Variants in IL1R1 observed in about 807,000 individuals in gnomAD.
IL1R1 encodes the protein interleukin 1 receptor type 1, also known as interleukin-1 receptor type 1.
In IL1R1, 22 loss-of-function variants were observed where a neutral mutation model predicts 50.2. The ratio of observed to expected loss-of-function variants is 0.44; its 90% CI spans 0.31 to 0.63. The LOEUF is 0.63. Ranked by LOEUF, IL1R1 falls within the 20% of genes least tolerant of loss-of-function variation. The probability of loss-of-function intolerance (pLI) is 0.07; values close to 1 mark genes in which losing one functional copy is unlikely to be tolerated. For missense variants in IL1R1, 509 were observed against 676.2 expected (o/e 0.75, Z 2.74); for synonymous variants, 251 against 236.7 (o/e 1.06, Z -0.55).
chr2:102,108,201 T>C (rs1370869578), intron 1 of IL1R1, among the ~76,000 whole-genome samples: 3 of 149,902 alleles, frequency 2.0e-5, no homozygotes, highest in Non-Finnish European at 4.4e-5. Flanking sequence ...AATTCTAAAC[T>C]TGGGAAGTGT....
At chr2:102,174,502 C>G in intron 9 of IL1R1, 85 bp from the exon 10 acceptor site, 1 of 1,016,316 alleles carries the variant, frequency 9.8e-7, no homozygotes, top group African/African-American at 1.6e-5. Flanking sequence ...CTCTCTGAGA[C>G]GAAGATATTT....
chr2:102,082,718 G>T lies in IL1R1; in HGVS notation c.-84+12185G>T, dbSNP rs1464548229. Among the ~76,000 whole-genome samples the T allele has an allele frequency of 2.0e-5, 3 of 152,114 alleles. No individual in the cohort carries two copies. The East Asian group carries it at 5.8e-4, about 29-fold the overall frequency. ...TCTCTCTTTTTTAAATATTTCAAGC[G>T]AGCATGCCATCAGCAGGGCTGTCTT... On this transcript the variant is annotated intron_variant, in intron 1 of 11. Coordinates refer to the IL1R1 transcript ENST00000409929.
intron 1 of IL1R1, among the ~76,000 whole-genome samples, chr2:102,115,771 C>T (rs538530920): frequency 1.3e-5 from 2 of 152,074 alleles, no homozygotes; most frequent in East Asian, 1.9e-4. Context: ...GGAAACTGCA[C>T]GAGCAAGAAA....
At chr2:102,074,614 A>G (rs1270788838) in intron 1 of IL1R1, among the ~76,000 whole-genome samples, 1 of 152,212 alleles carries the variant, frequency 6.6e-6, no homozygotes, top group Non-Finnish European at 1.5e-5. Flanking sequence ...CTGGGAGGAA[A>G]ACAAACTTCC....
At chr2:102,122,497 T>TA (rs1399361967) in intron 1 of IL1R1, among the ~76,000 whole-genome samples, 5 of 152,022 alleles carry the variant, frequency 3.3e-5, no homozygotes, top group Non-Finnish European at 5.9e-5. Context: ...CAACTGAATC[T>TA]AAAAAAAACA....
intron 1 of IL1R1, among the ~76,000 whole-genome samples, chr2:102,119,823 A>C (rs1287192642): frequency 6.6e-6 from 1 of 152,212 alleles, no homozygotes; most frequent in Non-Finnish European, 1.5e-5. Context: ...AGCTAAAATC[A>C]ACTCTCTTAG....
chr2:102,153,308 C>T (rs1020801592), intron 1 of IL1R1, among the ~76,000 whole-genome samples: 8 of 152,136 alleles, frequency 5.3e-5, no homozygotes, highest in Non-Finnish European at 7.4e-5. Context: ...TTCTGCACCC[C>T]GGTGTCTAGC....
At chr2:102,141,575 G>C (rs1019652786), upstream of IL1R1, among the ~76,000 whole-genome samples, 1 of 152,184 alleles carries the variant, frequency 6.6e-6, no homozygotes, top group Non-Finnish European at 1.5e-5. Flanking sequence ...AGCTTCTGCT[G>C]CTCATTCCTT....
At chr2:102,105,467 C>A (rs1351124940) in intron 1 of IL1R1, among the ~76,000 whole-genome samples, 1 of 152,164 alleles carries the variant, frequency 6.6e-6, no homozygotes, top group Non-Finnish European at 1.5e-5. Context: ...CAGGTTCAAG[C>A]GATTCTCCTG....
chr2:102,176,047 A>T (rs1686104237), intron 11 of IL1R1: 1 of 450,742 alleles, frequency 2.2e-6, no homozygotes, highest in Non-Finnish European at 3.9e-6. Context: ...GGAGGTTTGC[A>T]GTGGCTCATG....
intron 6 of IL1R1, among the ~76,000 whole-genome samples, chr2:102,166,755 T>G (rs976417094): frequency 2.0e-5 from 3 of 152,182 alleles, no homozygotes; most frequent in African/African-American, 7.2e-5. Flanking sequence ...CTAACCCTGT[T>G]TCCTCTTCTG....
At chr2:102,175,391 A>G in intron 10 of IL1R1, 87 bp from the exon 11 acceptor site, 1 of 992,006 alleles carries the variant, frequency 1.0e-6, no homozygotes, top group Non-Finnish European at 1.6e-6. Flanking sequence ...TGAATAGTTC[A>G]TTATGTAATG....
At chr2:102,162,245 C>A (rs1258007760) in intron 3 of IL1R1, among the ~76,000 whole-genome samples, 3 of 151,984 alleles carry the variant, frequency 2.0e-5, no homozygotes, top group African/African-American at 7.2e-5. Context: ...AAATATTTTT[C>A]TTTTCTTTTT....
intron 1 of IL1R1, among the ~76,000 whole-genome samples, chr2:102,136,501 C>T (rs1682352777): frequency 6.6e-6 from 1 of 152,068 alleles, no homozygotes; most frequent in South Asian, 2.1e-4. Flanking sequence ...CCCAGCCTCC[C>T]AAGTAGCTGG....
intron 1 of IL1R1, among the ~76,000 whole-genome samples, chr2:102,130,842 GAAAC>G (rs1435822331): frequency 1.3e-5 from 2 of 152,028 alleles, no homozygotes; most frequent in African/African-American, 4.8e-5. Flanking sequence ...TTTCTCATAA[GAAAC>G]AACTAAATTA....
intron 1 of IL1R1, among the ~76,000 whole-genome samples, chr2:102,123,672 G>T (rs1199087712): frequency 6.6e-6 from 1 of 152,030 alleles, no homozygotes; most frequent in Non-Finnish European, 1.5e-5. Context: ...CAGCTACTTG[G>T]GAGGCTGAGG....
intron 3 of IL1R1, among the ~76,000 whole-genome samples, chr2:102,161,954 A>C (rs1279333157): frequency 6.6e-6 from 1 of 152,100 alleles, no homozygotes; most frequent in Non-Finnish European, 1.5e-5. Flanking sequence ...CACCCGCCTC[A>C]GCCTTGCAAA....
At chr2:102,151,234 T>G (rs1559490601) in intron 1 of IL1R1, among the ~76,000 whole-genome samples, 1 of 152,154 alleles carries the variant, frequency 6.6e-6, no homozygotes, top group Non-Finnish European at 1.5e-5. Flanking sequence ...TGTGAACTCT[T>G]TATCTAACTC....
intron 1 of IL1R1, among the ~76,000 whole-genome samples, chr2:102,116,525 C>T (rs1479214540): frequency 6.6e-6 from 1 of 152,268 alleles, no homozygotes; most frequent in East Asian, 1.9e-4. Flanking sequence ...ATTGCTCTTC[C>T]ATGTATTCCG....
Sources: gnomAD v4.1 joint callset for allele counts (sites outside exome capture counted in the v4.1 genomes callset) on GRCh38, gnomAD v4.1.1 for gene constraint, MANE v1.5 for transcripts, NCBI Gene and HGNC (gene_info 2026-07-23, HGNC 2026-07-21) for gene names.